The following ZNF782 variants were observed in gnomAD, a reference collection of about 807,000 sequenced individuals.
ZNF782 encodes the protein zinc finger protein 782.
ZNF782 carries 12 observed loss-of-function variants against 13.0 expected under a neutral mutation model. That is an observed-to-expected ratio of 0.92 (90% confidence interval 0.59 to 1.50). The LOEUF is 1.50. Among genes scored for constraint, ZNF782 ranks in the 40% most tolerant of loss-of-function variants. The pLI is 0.00. For synonymous variants in ZNF782, 284 were observed against 283.0 expected (o/e 1.00, Z -0.04); for missense variants, 770 against 822.9 (o/e 0.94, Z 0.79).
At chr9:96,823,357 A>G (rs768330016) in intron 5 of ZNF782, among the ~76,000 whole-genome samples, 1 of 152,262 alleles carries the variant, frequency 6.6e-6, no homozygotes, top group African/African-American at 2.4e-5. Flanking sequence ...ATTAAAGTCT[A>G]TGTGACCTAA....
intron 4 of ZNF782, among the ~76,000 whole-genome samples, chr9:96,828,563 G>A (rs1031597308): frequency 6.6e-6 from 1 of 152,222 alleles, no homozygotes; most frequent in Admixed American, 6.5e-5. Flanking sequence ...GCCAGGCACA[G>A]TGACACCTGT....
chr9:96,853,975 A>G (rs951273348), intron 1 of ZNF782, 113 bp downstream of exon 1: 7 of 152,236 alleles, frequency 4.6e-5, no homozygotes, highest in African/African-American at 1.4e-4. Context: ...AAAGTTTTAA[A>G]CCAACGCCAT....
intron 4 of ZNF782, among the ~76,000 whole-genome samples, chr9:96,837,469 G>GT (rs1003544189): frequency 6.6e-6 from 1 of 151,696 alleles, no homozygotes; most frequent in Non-Finnish European, 1.5e-5. Flanking sequence ...AATTTTGTTG[G>GT]TTTTTTAAAA....
intron 1 of ZNF782, among the ~76,000 whole-genome samples, chr9:96,866,190 T>C (rs1317344127): frequency 6.6e-6 from 1 of 152,062 alleles, no homozygotes; most frequent in East Asian, 1.9e-4. Context: ...TCAGAGACCT[T>C]TGTGGCAGCC....
intron 4 of ZNF782, among the ~76,000 whole-genome samples, chr9:96,831,857 T>C (rs1201470352): frequency 6.6e-6 from 1 of 152,214 alleles, no homozygotes; most frequent in African/African-American, 2.4e-5. Context: ...TTCCATGGTA[T>C]ACCTTCTTCT....
At chr9:96,898,098 T>G in the ZNF782 span, 1 of 148,984 alleles carries the variant, frequency 6.7e-6, no homozygotes, top group East Asian at 2.3e-4. Context: ...CATACAGGTT[T>G]CCAGGCCTTT....
At chr9:96,822,784 T>G (rs1216552729) in intron 5 of ZNF782, among the ~76,000 whole-genome samples, 3 of 152,156 alleles carry the variant, frequency 2.0e-5, no homozygotes, top group African/African-American at 4.8e-5. Flanking sequence ...TTTTTATCTT[T>G]GAAATTTTCT....
At chr9:96,897,984 A>G in the ZNF782 span, 1 of 151,256 alleles carries the variant, frequency 6.6e-6, no homozygotes, top group East Asian at 2.0e-4. Flanking sequence ...TGTACCGGAC[A>G]ATAGGGATAA....
the ZNF782 span, among the ~76,000 whole-genome samples, chr9:96,911,967 A>C: frequency 6.6e-6 from 1 of 151,878 alleles, no homozygotes; most frequent in African/African-American, 2.4e-5. Context: ...TGAGAGGCCG[A>C]GGCGGGCAGA....
chr9:96,842,037 AC>A (rs1289848707), intron 4 of ZNF782, among the ~76,000 whole-genome samples: 2 of 152,012 alleles, frequency 1.3e-5, no homozygotes, highest in African/African-American at 4.8e-5. Context: ...AAAATCAATT[AC>A]ATTTCTATAA....
At chr9:96,823,918 T>G (rs1239262784) in intron 5 of ZNF782, among the ~76,000 whole-genome samples, 1 of 152,074 alleles carries the variant, frequency 6.6e-6, no homozygotes, top group Non-Finnish European at 1.5e-5. Context: ...ATCAATAGCT[T>G]ACCAACCAAA....
chr9:96,820,677 G>A (rs1312771205), intron 5 of ZNF782, among the ~76,000 whole-genome samples: 1 of 151,932 alleles, frequency 6.6e-6, no homozygotes, highest in East Asian at 1.9e-4. Context: ...AGCCTCCCGA[G>A]TAGCTGGGAT....
chr9:96,926,660 T>C, the ZNF782 span, among the ~76,000 whole-genome samples: 33 of 151,880 alleles, frequency 2.2e-4, no homozygotes, highest in East Asian at 1.2e-3. Flanking sequence ...ATGAGGATAT[T>C]GGATAGGAGT....
intron 4 of ZNF782, among the ~76,000 whole-genome samples, chr9:96,839,406 T>C (rs1488557932): frequency 6.6e-6 from 1 of 151,878 alleles, no homozygotes; most frequent in African/African-American, 2.4e-5. Context: ...TGTCCTTCTC[T>C]CACTGTTCAA....
At chr9:96,911,094 T>C in the ZNF782 span, among the ~76,000 whole-genome samples, 1 of 149,394 alleles carries the variant, frequency 6.7e-6, no homozygotes, top group South Asian at 2.1e-4. Flanking sequence ...CTGACTTTAC[T>C]TGTGGTGTGA....
chr9:96,927,927 A>G, the ZNF782 span, among the ~76,000 whole-genome samples: 1 of 149,854 alleles, frequency 6.7e-6, no homozygotes, highest in Non-Finnish European at 1.5e-5. Context: ...CAAATATCAG[A>G]AGAATACTAG....
intron 1 of ZNF782, among the ~76,000 whole-genome samples, chr9:96,868,287 A>G (rs892620648): frequency 6.6e-6 from 1 of 152,228 alleles, no homozygotes; most frequent in Non-Finnish European, 1.5e-5. Flanking sequence ...ACTTTCCTGT[A>G]TTTTGTAGTC....
At chr9:96,925,238 G>A in the ZNF782 span, among the ~76,000 whole-genome samples, 1 of 152,046 alleles carries the variant, frequency 6.6e-6, no homozygotes, top group Non-Finnish European at 1.5e-5. Context: ...CCCGCCCTGG[G>A]AGGGCCCCGC....
Position 96,820,089 on chromosome 9 carries a change from C to T in ZNF782, c.245-311G>A, listed in dbSNP as rs192310633. On this transcript the variant is annotated intron_variant, in intron 5 of 5. Coordinates refer to ENST00000481138, the MANE Select transcript of ZNF782 (RefSeq NM_001001662.3). ...ACTGAGAATGGTGTATACGTAAGAGCATTGGATCCTGGGAACAGGAAAATC... is the reference window on the plus strand; with the variant it reads ...ACTGAGAATGGTGTATACGTAAGAGTATTGGATCCTGGGAACAGGAAAATC... Among the ~76,000 whole-genome samples the T allele has an allele frequency of 3.9e-5, 6 of 152,150 alleles. No individual in the cohort carries two copies. In the East Asian group the frequency reaches 1.2e-3, roughly 29 times the overall value.
Sources: gnomAD v4.1 joint callset for allele counts (sites outside exome capture counted in the v4.1 genomes callset) on GRCh38, gnomAD v4.1.1 for gene constraint, MANE v1.5 for transcripts, NCBI Gene and HGNC (gene_info 2026-07-23, HGNC 2026-07-21) for gene names.